Variants in GALNTL6 observed in about 807,000 individuals in gnomAD.
GALNTL6 encodes the protein polypeptide N-acetylgalactosaminyltransferase like 6, also known as polypeptide N-acetylgalactosaminyltransferase-like 6.
In GALNTL6, 46 loss-of-function variants were observed where a neutral mutation model predicts 73.7. The ratio of observed to expected loss-of-function variants is 0.62; its 90% CI spans 0.49 to 0.80. The LOEUF is 0.80. Among genes scored for constraint, GALNTL6 ranks in the 30% least tolerant of loss-of-function variants. The pLI, the probability that GALNTL6 is intolerant of heterozygous loss-of-function variation, is 0.00. For missense variants in GALNTL6, 604 were observed against 755.0 expected (o/e 0.80, Z 2.34); for synonymous variants, 259 against 263.7 (o/e 0.98, Z 0.17).
At chr4:172,610,960 A>G (rs933688370) in intron 5 of GALNTL6, among the ~76,000 whole-genome samples, 1 of 151,798 alleles carries the variant, frequency 6.6e-6, no homozygotes, top group Admixed American at 6.6e-5. Flanking sequence ...TTTTTGGATC[A>G]TTGTTCATTT....
chr4:172,783,371 T>C (rs1480041818), intron 5 of GALNTL6, among the ~76,000 whole-genome samples: 1 of 147,638 alleles, frequency 6.8e-6, no homozygotes, highest in Non-Finnish European at 1.5e-5. Flanking sequence ...AGTGTATTAA[T>C]AATATTATAC....
At chr4:172,983,820 G>C (rs1031458263) in intron 10 of GALNTL6, among the ~76,000 whole-genome samples, 3 of 152,116 alleles carry the variant, frequency 2.0e-5, no homozygotes, top group Non-Finnish European at 4.4e-5. Context: ...ATAAAACCCT[G>C]ATTAGCATTA....
chr4:172,000,249 C>T (rs1481501007), intron 2 of GALNTL6, among the ~76,000 whole-genome samples: 1 of 152,090 alleles, frequency 6.6e-6, no homozygotes, highest in Non-Finnish European at 1.5e-5. Flanking sequence ...CTAATGAGGT[C>T]CGGCAGTATG....
intron 2 of GALNTL6, among the ~76,000 whole-genome samples, chr4:172,171,708 C>A (rs550485780): frequency 6.6e-6 from 1 of 151,326 alleles, no homozygotes; most frequent in East Asian, 1.9e-4. Flanking sequence ...GGTGGTGGCA[C>A]GTGTCTGTGG....
chr4:172,404,660 T>A (rs1279354934), intron 5 of GALNTL6, among the ~76,000 whole-genome samples: 1 of 152,076 alleles, frequency 6.6e-6, no homozygotes, highest in Non-Finnish European at 1.5e-5. Context: ...TATTCAGTGT[T>A]TTAATTAGGC....
At chr4:172,355,493 G>A (rs1015239836) in intron 5 of GALNTL6, among the ~76,000 whole-genome samples, 27 of 152,002 alleles carry the variant, frequency 1.8e-4, no homozygotes, top group Non-Finnish European at 4.0e-4. Context: ...CCTATATTAG[G>A]TTGTATCTTA....
At chr4:172,130,598 A>T (rs993553882) in intron 2 of GALNTL6, among the ~76,000 whole-genome samples, 1 of 152,128 alleles carries the variant, frequency 6.6e-6, no homozygotes, top group Non-Finnish European at 1.5e-5. Flanking sequence ...TGTAAAGTTA[A>T]CATATAATAT....
intron 2 of GALNTL6, among the ~76,000 whole-genome samples, chr4:171,924,215 A>AAAC (rs1553970653): frequency 0.036 from 4,295 of 118,500 alleles, 153 homozygotes; most frequent in African/African-American, 0.11. Flanking sequence ...CACACACACA[A>AAAC]ACACACACAC....
chr4:172,388,834 G>A (rs1029207657), intron 5 of GALNTL6, among the ~76,000 whole-genome samples: 12 of 151,916 alleles, frequency 7.9e-5, no homozygotes, highest in South Asian at 4.1e-4. Context: ...CGGGGGTAGC[G>A]GGTACCATAC....
chr4:171,855,989 T>C (rs1487125210), intron 2 of GALNTL6, among the ~76,000 whole-genome samples: 1 of 152,236 alleles, frequency 6.6e-6, no homozygotes, highest in Non-Finnish European at 1.5e-5. Flanking sequence ...TCTTTATATA[T>C]TTTGAATAAT....
chr4:172,494,103 A>G (rs1301133017), intron 5 of GALNTL6, among the ~76,000 whole-genome samples: 2 of 152,166 alleles, frequency 1.3e-5, no homozygotes, highest in Non-Finnish European at 2.9e-5. Flanking sequence ...CAAGCACTAT[A>G]TTCTTTGTAT....
intron 2 of GALNTL6, among the ~76,000 whole-genome samples, chr4:172,186,021 T>C (rs1305873927): frequency 6.6e-6 from 1 of 152,246 alleles, no homozygotes; most frequent in Admixed American, 6.5e-5. Flanking sequence ...GTTAATATTG[T>C]CTTCTTTTTT....
intron 5 of GALNTL6, among the ~76,000 whole-genome samples, chr4:172,743,621 TATC>T (rs1404787779): frequency 2.0e-5 from 3 of 152,018 alleles, no homozygotes; most frequent in Admixed American, 2.0e-4. Context: ...TCAAAAAAAT[TATC>T]ATGATGGCAT....
intron 2 of GALNTL6, among the ~76,000 whole-genome samples, chr4:171,900,607 C>A (rs993098623): frequency 1.3e-5 from 2 of 151,868 alleles, no homozygotes; most frequent in East Asian, 1.9e-4. Context: ...TGTGAGCCAG[C>A]GCTATTTTAA....
At chr4:172,277,063 G>GAC (rs1738858688) in intron 3 of GALNTL6, among the ~76,000 whole-genome samples, 1 of 151,708 alleles carries the variant, frequency 6.6e-6, no homozygotes, top group African/African-American at 2.4e-5. Context: ...CTCTGTTTTT[G>GAC]ACACCTCTTT....
At position 171,864,765 on chromosome 4, in the gene GALNTL6, A is replaced by C. The variant is rs116344724; in HGVS notation, c.138+50047A>C. Among the ~76,000 whole-genome samples, 1,189 of 152,288 alleles carry C rather than the reference A, an allele frequency of 7.8e-3. 22 individuals are homozygous for C. Among genetic ancestry groups the C allele is most frequent in the African/African-American group, 0.027 (1,131 of 41,548 alleles). On this transcript the variant is annotated intron_variant, in intron 2 of 12. Coordinates refer to ENST00000506823, the MANE Select transcript of GALNTL6 (RefSeq NM_001034845.3). ...ACTTCCTCCTGCTAGAGATTGAAAA[A>C]TCCACTAACTCTGCCTTAATGAGAA...
At chr4:172,003,000 A>G (rs528990588) in intron 2 of GALNTL6, among the ~76,000 whole-genome samples, 1 of 152,280 alleles carries the variant, frequency 6.6e-6, no homozygotes, top group African/African-American at 2.4e-5. Context: ...ATTTTGGCAC[A>G]TTAATCAATT....
chr4:172,043,926 T>C (rs914065653), intron 2 of GALNTL6, among the ~76,000 whole-genome samples: 2 of 152,062 alleles, frequency 1.3e-5, no homozygotes, highest in African/African-American at 4.8e-5. Context: ...ATAACTATTC[T>C]CTGTAGACAT....
intron 5 of GALNTL6, among the ~76,000 whole-genome samples, chr4:172,567,349 C>A (rs920813439): frequency 1.3e-5 from 2 of 152,068 alleles, no homozygotes; most frequent in Non-Finnish European, 2.9e-5. Flanking sequence ...AAACCTATGT[C>A]CTGCTTGTGC....
Sources: allele counts gnomAD v4.1 joint callset (sites outside exome capture counted in the v4.1 genomes callset), GRCh38; gene constraint gnomAD v4.1.1; transcripts MANE v1.5; gene names NCBI Gene and HGNC (gene_info 2026-07-23, HGNC 2026-07-21).